Variants in FRMD3 observed in about 807,000 individuals in gnomAD.
FRMD3 encodes FERM domain-containing protein 3.
A neutral mutation model predicts 70.2 loss-of-function variants in FRMD3; 33 were observed. The ratio of observed to expected loss-of-function variants is 0.47; its 90% CI spans 0.36 to 0.63. The LOEUF (loss-of-function observed/expected upper bound fraction) is 0.63. Ranked by LOEUF, FRMD3 falls within the 20% of genes least tolerant of loss-of-function variation. The probability of loss-of-function intolerance (pLI) is 0.00; values close to 1 mark genes in which losing one functional copy is unlikely to be tolerated. For synonymous variants in FRMD3, 279 were observed against 255.9 expected (o/e 1.09, Z -0.86); for missense variants, 632 against 711.4 (o/e 0.89, Z 1.27).
Position 83,479,743 on chromosome 9 carries a change from A to G in FRMD3, c.147+58342T>C, listed in dbSNP as rs866641054. ...AAGAAAAGAAAGGGAAAGAAAGAAAAAGAAAAGAGAAGAAGAAGGGAGGGA... is the reference window on the plus strand; with the variant it reads ...AAGAAAAGAAAGGGAAAGAAAGAAAGAGAAAAGAGAAGAAGAAGGGAGGGA... On this transcript the variant is annotated intron_variant, in intron 1 of 13. Transcript: ENST00000304195. Among the ~76,000 whole-genome samples the G allele has an allele frequency of 7.7e-3, 698 of 91,000 alleles. 24 individuals carry two copies. Among genetic ancestry groups the G allele is most frequent in the African/African-American group, 0.028 (673 of 24,288 alleles). The allele number at this position is 91,000 out of a possible 152,430, so 59.7% of individuals were successfully genotyped here. A position where few individuals can be genotyped will look rare whatever the true frequency, so the allele number is the denominator to read the frequency against.
At chr9:83,406,390 T>C (rs12347584) in intron 1 of FRMD3, among the ~76,000 whole-genome samples, 33,916 of 152,154 alleles carry the variant, frequency 0.22, 3,893 homozygotes, top group Admixed American at 0.28. Context: ...GGAGGACCAG[T>C]TGGGTAGCCT....
At chr9:83,467,230 G>T (rs1451692451) in intron 1 of FRMD3, among the ~76,000 whole-genome samples, 1 of 152,146 alleles carries the variant, frequency 6.6e-6, no homozygotes, top group Non-Finnish European at 1.5e-5. Flanking sequence ...AAAATACATT[G>T]TCTGGCCAAT....
Position 83,299,154 on chromosome 9 carries a change from G to A in FRMD3, c.959C>T (p.Ser320Leu). The A allele has an allele frequency of 1.2e-6, 2 of 1,613,096 alleles. No homozygotes were observed. Among genetic ancestry groups the A allele is most frequent in the East Asian group, 2.2e-5 (1 of 44,866 alleles). Residue 320 changes from serine to leucine, a missense_variant, in exon 11 of 14, where the codon TCA (serine) becomes TTA (leucine). Physicochemically the swap from Ser to Leu is moderately radical, Grantham distance 145. Transcript: ENST00000304195. ...TCCTTTAAAAAATATCTTGCTGCTT[G>A]ATACAGTCTTGATCTGACTGGATTT... is the stretch of plus-strand genomic sequence containing the variant. ...YAKSSQIKTVSSSKIFFKGSR... is the reference protein window; with the variant it reads ...YAKSSQIKTVLSSKIFFKGSR...
intron 1 of FRMD3, among the ~76,000 whole-genome samples, chr9:83,524,396 A>G (rs914149221): frequency 3.9e-5 from 6 of 152,224 alleles, no homozygotes; most frequent in Non-Finnish European, 8.8e-5. Context: ...GTTGATTGCA[A>G]TTTTATTTGG....
chr9:83,313,404 T>G (rs1835437759), intron 7 of FRMD3, among the ~76,000 whole-genome samples: 1 of 152,210 alleles, frequency 6.6e-6, no homozygotes, highest in Non-Finnish European at 1.5e-5. Context: ...ACCATCCATT[T>G]GATGAGTGAA....
At chr9:83,567,600 T>C in the FRMD3 span, among the ~76,000 whole-genome samples, 12 of 152,326 alleles carry the variant, frequency 7.9e-5, no homozygotes, top group Admixed American at 2.0e-4. Context: ...AGTCACCTTT[T>C]GAATGCTTTG....
chr9:83,426,860 A>G (rs966478924), intron 1 of FRMD3, among the ~76,000 whole-genome samples: 10 of 152,234 alleles, frequency 6.6e-5, no homozygotes, highest in African/African-American at 2.2e-4. Flanking sequence ...CAAGGAGATC[A>G]GGTGGTCCAG....
chr9:83,376,899 T>A (rs997475020), intron 2 of FRMD3, among the ~76,000 whole-genome samples: 3 of 152,154 alleles, frequency 2.0e-5, no homozygotes, highest in Admixed American at 2.0e-4. Flanking sequence ...ATGAGCATGG[T>A]AGTGTGTCCA....
chr9:83,284,017 GCATTA>G (rs747514928), intron 13 of FRMD3, among the ~76,000 whole-genome samples: 2 of 149,006 alleles, frequency 1.3e-5, no homozygotes, highest in Non-Finnish European at 3.0e-5. Flanking sequence ...AATTGCTAAT[GCATTA>G]ACACTGATTT....
chr9:83,508,064 T>G (rs1054581998), intron 1 of FRMD3, among the ~76,000 whole-genome samples: 1 of 152,112 alleles, frequency 6.6e-6, no homozygotes, highest in African/African-American at 2.4e-5. Flanking sequence ...TCTACTCCCA[T>G]ACACCAGTGA....
intron 2 of FRMD3, among the ~76,000 whole-genome samples, chr9:83,379,680 T>G (rs1825296610): frequency 6.6e-6 from 1 of 152,176 alleles, no homozygotes; most frequent in South Asian, 2.1e-4. Context: ...CCCAGCAGCC[T>G]GACGCTTTTT....
the FRMD3 span, among the ~76,000 whole-genome samples, chr9:83,572,706 G>T: frequency 6.6e-6 from 1 of 152,212 alleles, no homozygotes; most frequent in African/African-American, 2.4e-5. Context: ...CTTCCAGCCT[G>T]GTTCAGCAGC....
chr9:83,521,839 T>C (rs1445532363), intron 1 of FRMD3, among the ~76,000 whole-genome samples: 3 of 152,258 alleles, frequency 2.0e-5, no homozygotes. Flanking sequence ...GCTCAACCTT[T>C]GCTAGAATGT....
the FRMD3 span, among the ~76,000 whole-genome samples, chr9:83,581,529 C>T: frequency 6.6e-6 from 1 of 152,116 alleles, no homozygotes; most frequent in Non-Finnish European, 1.5e-5. Context: ...AATGGTGTGG[C>T]TGCTTTGAGA....
chr9:83,418,885 C>A (rs554062811), intron 1 of FRMD3, among the ~76,000 whole-genome samples: 1 of 152,242 alleles, frequency 6.6e-6, no homozygotes, highest in African/African-American at 2.4e-5. Flanking sequence ...AACCTAAGTG[C>A]CCATCAACTA....
chr9:83,360,546 G>A (rs1377544619), intron 3 of FRMD3, among the ~76,000 whole-genome samples: 1 of 148,618 alleles, frequency 6.7e-6, no homozygotes, highest in Non-Finnish European at 1.5e-5. Flanking sequence ...GAAAGAATGC[G>A]GGCATTCCTG....
intron 1 of FRMD3, among the ~76,000 whole-genome samples, chr9:83,408,967 T>C (rs1417988910): frequency 6.6e-6 from 1 of 152,132 alleles, no homozygotes; most frequent in Admixed American, 6.6e-5. Context: ...AGAGCCAACA[T>C]AGTGTGCAAT....
intron 1 of FRMD3, among the ~76,000 whole-genome samples, chr9:83,494,688 G>A (rs1466972881): frequency 3.3e-5 from 5 of 152,162 alleles, no homozygotes; most frequent in African/African-American, 1.2e-4. Flanking sequence ...AGGATTGCTT[G>A]ACCCCAGGAG....
At chr9:83,422,559 C>T (rs1826676049) in intron 1 of FRMD3, among the ~76,000 whole-genome samples, 1 of 152,186 alleles carries the variant, frequency 6.6e-6, no homozygotes, top group South Asian at 2.1e-4. Context: ...ACGTTCTTTC[C>T]TCTCATAGCA....
Sources: allele counts gnomAD v4.1 joint callset (sites outside exome capture counted in the v4.1 genomes callset), GRCh38; gene constraint gnomAD v4.1.1; transcripts MANE v1.5; gene names NCBI Gene and HGNC (gene_info 2026-07-23, HGNC 2026-07-21).